The following ZNF397 variants were observed in gnomAD, a reference collection of about 807,000 sequenced individuals.
ZNF397 encodes zinc finger and SCAN domain-containing protein 15.
ZNF397 carries 38 observed loss-of-function variants against 50.6 expected under a neutral mutation model. That is an observed-to-expected ratio of 0.75 (90% CI 0.58 to 0.98). The LOEUF is 0.98. Among genes scored for constraint, ZNF397 ranks in the 50% least tolerant of loss-of-function variants. The pLI is 0.00. For missense variants in ZNF397, 624 were observed against 624.1 expected, an observed-to-expected ratio of 1.00 and a Z score of 0.00; for synonymous variants, 228 against 215.2, an observed-to-expected ratio of 1.06 and a Z score of -0.52.
chr18:35,251,127 T>G (rs914205822), downstream of ZNF397: 1 of 152,226 alleles, frequency 6.6e-6, no homozygotes, highest in African/African-American at 2.4e-5. Context: ...GGTTGAAGTA[T>G]AAATTTTGAA....
chr18:35,244,064 C>T (rs1371137758), intron 3 of ZNF397: 2 of 154,976 alleles, frequency 1.3e-5, no homozygotes, highest in Non-Finnish European at 2.9e-5. Flanking sequence ...GTAAGGAAGG[C>T]AAGAGTATAG....
chr18:35,253,344 G>A (rs992082206), downstream of ZNF397: 22 of 846,526 alleles, frequency 2.6e-5, no homozygotes, highest in Non-Finnish European at 4.0e-5. Context: ...CGAACTGGGA[G>A]GGAAGGACAG....
At chr18:35,244,141 G>A (rs544676314) in intron 3 of ZNF397, 2 of 154,350 alleles carry the variant, frequency 1.3e-5, no homozygotes, top group Non-Finnish European at 2.9e-5. Flanking sequence ...TATGGTAAGC[G>A]GTGGAGAACA....
At chr18:35,250,263 T>C (rs529112062), downstream of ZNF397, among the ~76,000 whole-genome samples, 2 of 152,226 alleles carry the variant, frequency 1.3e-5, no homozygotes, top group East Asian at 3.9e-4. Flanking sequence ...AGACCCTCAC[T>C]TAAAGGAGCT....
Position 35,246,541 on chromosome 18 carries a change from T to C in ZNF397, c.*231T>C, listed in dbSNP as rs1651803301. On this transcript the variant is annotated 3_prime_UTR_variant, in exon 4 of 4. Transcript: ENST00000330501. ...ATCATTACTTCCAGCTCTTCTCTTA[T>C]TAGGAATACTCAGGAAATACGAAAA... 3.8e-6 allele frequency: 5 copies of C among 1,301,762 alleles called. No homozygotes were observed. Among genetic ancestry groups the C allele is most frequent in the Non-Finnish European group, 4.9e-6 (5 of 1,028,046 alleles). 80.6% of individuals were successfully genotyped at this position (1,301,762 alleles called of 1,614,324 possible).
At position 35,248,256 on chromosome 18, in the gene ZNF397, A is replaced by G. The variant is rs1355479218; in HGVS notation, c.*1946A>G. The G allele has an allele frequency of 1.3e-5, 2 of 152,226 alleles. No individual in the cohort carries two copies. Among genetic ancestry groups the G allele is most frequent in the East Asian group, 1.9e-4 (1 of 5,184 alleles). 9.4% of individuals were successfully genotyped at this position (152,226 alleles called of 1,614,324 possible). On this transcript the variant is annotated 3_prime_UTR_variant, in exon 4 of 4. Coordinates refer to ENST00000330501, the MANE Select transcript of ZNF397 (RefSeq NM_001135178.3). ...AATTTTCATGAGGATAAAAAGAAGC[A>G]AAGAGAAGTAATGCTCTTATTGGGG...
downstream of ZNF397, chr18:35,253,681 A>G: frequency 1.2e-6 from 2 of 1,614,160 alleles, no homozygotes; most frequent in East Asian, 2.2e-5. Flanking sequence ...AAGCCTTACC[A>G]CATGCAATAC....
At position 35,245,956 on chromosome 18, in the gene ZNF397, A is replaced by T. The variant is rs1344377088; in HGVS notation, c.1251A>T (p.Arg417=). The T allele has an allele frequency of 1.3e-6, 2 of 1,582,090 alleles. No individual in the cohort carries two copies. Among genetic ancestry groups the T allele is most frequent in the Admixed American group, 3.6e-5 (2 of 54,974 alleles). Residue 417 remains arginine, a synonymous_variant, in exon 4 of 4, where the codon CGA becomes CGT. Transcript: ENST00000330501. ...GCTCAAAACTCATTAGACATCAGCG[A>T]ATTCACACAGGAGAGAGACCCTATG... ...SQSSKLIRHQ[R]IHTGERPYEC...
At chr18:35,243,538 A>G in intron 3 of ZNF397, 1 of 636,018 alleles carries the variant, frequency 1.6e-6, no homozygotes, top group South Asian at 2.0e-5. Context: ...GCGTCAATAC[A>G]TGTCTGGTAC....
rs764979492 is a variant in ZNF397 at position 35,242,642 on chromosome 18, T to C, written c.172T>C (p.Tyr58His). Residue 58 changes from tyrosine to histidine, a missense_variant, in exon 2 of 4, where the codon TAC (tyrosine) becomes CAC (histidine). Physicochemically the swap from Tyr to His is moderately conservative, Grantham distance 83. Coordinates refer to ENST00000330501, the MANE Select transcript of ZNF397 (RefSeq NM_001135178.3). ...LFRQQFRKFC[Y>H]QETPGPREAL... Reference sequence around the variant, plus strand: ...TCGTCAGCAATTCAGAAAATTTTGCTACCAGGAGACACCTGGGCCCCGGGA... The same window carrying C: ...TCGTCAGCAATTCAGAAAATTTTGCCACCAGGAGACACCTGGGCCCCGGGA... 6.2e-7 allele frequency: 1 copy of C among 1,614,104 alleles called. No homozygotes were observed. The highest frequency in any genetic ancestry group is 1.3e-5 in the African/African-American group (1 of 74,940).
Position 35,246,147 on chromosome 18 carries a change from A to G in ZNF397, c.1442A>G (p.Tyr481Cys). The G allele has an allele frequency of 6.4e-7, 1 of 1,551,340 alleles. No individual in the cohort carries two copies. The highest frequency in any genetic ancestry group is 8.7e-7 in the Non-Finnish European group (1 of 1,146,576). ...HQRIHSGEEP[Y>C]QCNECGKTFK... ...AGAATTCATAGTGGGGAGGAACCTT[A>G]TCAGTGTAATGAATGTGGCAAAACT... Residue 481 changes from tyrosine (Y) to cysteine (C), a missense_variant, in exon 4 of 4, where the codon TAT becomes TGT. Tyr to Cys is a radical substitution (Grantham distance 194, BLOSUM62 -2). Coordinates refer to ENST00000330501, the MANE Select transcript of ZNF397 (RefSeq NM_001135178.3).
At chr18:35,255,444 C>T (rs2043771448) in intron 5 of ZNF397, among the ~76,000 whole-genome samples, 2 of 151,984 alleles carry the variant, frequency 1.3e-5, no homozygotes, top group Admixed American at 1.3e-4. Flanking sequence ...CTCAGAGAAG[C>T]TAAGTCTGGC....
chr18:35,242,667 A>T lies in ZNF397; in HGVS notation c.197A>T (p.Glu66Val). 1.2e-6 allele frequency: 2 copies of T among 1,614,234 alleles called. No homozygotes were observed. The highest frequency in any genetic ancestry group is 1.7e-6 in the Non-Finnish European group (2 of 1,180,044). Reference protein sequence around the residue: ...FCYQETPGPREALSRLQELCY... With the variant: ...FCYQETPGPRVALSRLQELCY... ...TACCAGGAGACACCTGGGCCCCGGGAGGCTCTGAGCCGACTCCAGGAACTT... is the reference window on the plus strand; with the variant it reads ...TACCAGGAGACACCTGGGCCCCGGGTGGCTCTGAGCCGACTCCAGGAACTT... Residue 66 changes from glutamate to valine, a missense_variant, in exon 2 of 4, where the codon GAG becomes GTG. Transcript: ENST00000330501.
At chr18:35,242,053 A>G (rs115279825) in intron 1 of ZNF397, among the ~76,000 whole-genome samples, 87 of 152,142 alleles carry the variant, frequency 5.7e-4, no homozygotes, top group African/African-American at 2.0e-3. Context: ...AGTTTTATTA[A>G]TACATACATG....
At chr18:35,254,589 T>C, downstream of ZNF397, 1 of 813,386 alleles carries the variant, frequency 1.2e-6, no homozygotes, top group Non-Finnish European at 1.9e-6. Flanking sequence ...AGAAATGAAT[T>C]AGTATTGGAG....
rs1912573417 is a variant in ZNF397, at chr18:35,242,399, A to T, written c.-72A>T. On this transcript the variant is annotated 5_prime_UTR_variant, in exon 2 of 4. Coordinates refer to ENST00000330501, the MANE Select transcript of ZNF397 (RefSeq NM_001135178.3). The stretch of plus-strand genomic sequence containing the variant: ...GCTTTTATATCCTTCAGGAAAGAAG[A>T]GATTACTCACACTCCTTCGCAAGCA... 8 of 1,436,490 alleles carry T rather than the reference A, an allele frequency of 5.6e-6. No homozygotes were observed. In the East Asian group the frequency reaches 1.6e-4, roughly 29 times the overall value. 89.0% of individuals were successfully genotyped at this position (1,436,490 alleles called of 1,614,324 possible).
Position 35,248,982 on chromosome 18 carries a change from A to T in ZNF397, c.*2672A>T, listed in dbSNP as rs1284193497. The stretch of plus-strand genomic sequence containing the variant: ...CATATATCTACAAAGTGGGGAGGTC[A>T]GACTTTGAACCCACAACCTGACTGT... On this transcript the variant is annotated 3_prime_UTR_variant, in exon 4 of 4. Transcript: ENST00000330501. 6.6e-6 allele frequency: 1 copy of T among 152,220 alleles called. No homozygotes were observed. The highest frequency in any genetic ancestry group is 2.4e-5 in the African/African-American group (1 of 41,462). 9.4% of individuals were successfully genotyped at this position (152,220 alleles called of 1,614,324 possible).
In ZNF397 at chr18:35,245,850, C is replaced by A; in HGVS notation, c.1145C>A (p.Ser382Ter). The change falls in exon 4 of 4, where the codon TCA (serine) becomes TAA (stop). Residue 382 changes from serine (S) to a stop codon, truncating the protein, a stop_gained. Transcript: ENST00000330501. LOFTEE classifies it high-confidence loss of function. The part of the protein sequence containing the change: ...NECGKAFSQS[S>*]YLIIHQRIHT... ...TGTGGCAAAGCATTCAGTCAAAGTT[C>A]ATATCTCATTATACATCAAAGAATT... 6.4e-7 allele frequency: 1 copy of A among 1,553,228 alleles called. No individual in the cohort carries two copies. The highest frequency in any genetic ancestry group is 1.2e-5 in the South Asian group (1 of 84,134).
Position 35,246,889 on chromosome 18 carries a change from G to C in ZNF397, c.*579G>C. 3.1e-6 allele frequency: 3 copies of C among 975,698 alleles called. No homozygotes were observed. The highest frequency in any genetic ancestry group is 3.7e-6 in the Non-Finnish European group (3 of 821,150). The allele number at this position is 975,698 out of a possible 1,614,324, so 60.4% of individuals were successfully genotyped here. ...AGTACCTACTTTGTCCCAGGAACTA[G>C]GAATACAGTGGAAAACAAGACTGTA... On this transcript the variant is annotated 3_prime_UTR_variant, in exon 4 of 4. Coordinates refer to ENST00000330501, the MANE Select transcript of ZNF397 (RefSeq NM_001135178.3).
Sources: allele counts gnomAD v4.1 joint callset (sites outside exome capture counted in the v4.1 genomes callset), GRCh38; gene constraint gnomAD v4.1.1; transcripts MANE v1.5; gene names NCBI Gene and HGNC (gene_info 2026-07-23, HGNC 2026-07-21).